Variants in CAMK2D observed in about 807,000 individuals in gnomAD.
CAMK2D encodes calcium/calmodulin dependent protein kinase II delta, also known as calcium/calmodulin-dependent protein kinase type II subunit delta.
Under a neutral mutation model 84.0 loss-of-function variants are expected in CAMK2D, and 37 were observed. The ratio of observed to expected loss-of-function variants is 0.44; its 90% CI spans 0.34 to 0.58. CAMK2D has a LOEUF of 0.58. Among genes scored for constraint, CAMK2D ranks in the 20% least tolerant of loss-of-function variants. The probability of loss-of-function intolerance (pLI) is 0.02; values close to 1 mark genes in which losing one functional copy is unlikely to be tolerated. For synonymous variants in CAMK2D, 202 were observed against 212.5 expected (o/e 0.95, Z 0.43); for missense variants, 448 against 652.5 (o/e 0.69, Z 3.41).
intron 2 of CAMK2D, among the ~76,000 whole-genome samples, chr4:113,683,569 A>G (rs985623311): frequency 6.6e-6 from 1 of 152,246 alleles, no homozygotes; most frequent in African/African-American, 2.4e-5. Context: ...AATGCATAAA[A>G]GAGTTGTGAA....
At chr4:113,667,042 A>T (rs1043239077) in intron 2 of CAMK2D, among the ~76,000 whole-genome samples, 4 of 152,174 alleles carry the variant, frequency 2.6e-5, no homozygotes, top group African/African-American at 9.7e-5. Flanking sequence ...TTTCCAAGAA[A>T]CTACAGCCTC....
chr4:113,659,772 A>T (rs2099220532), intron 3 of CAMK2D, among the ~76,000 whole-genome samples: 2 of 152,168 alleles, frequency 1.3e-5, no homozygotes, highest in Admixed American at 6.5e-5. Context: ...AATGCCATAA[A>T]TTTTTGTCAG....
In CAMK2D at chr4:113,586,032, C is replaced by T. The variant is rs1029994910; in HGVS notation, c.275+23120G>A. Among the ~76,000 whole-genome samples, 13 of 152,182 alleles carry T rather than the reference C, an allele frequency of 8.5e-5. No individual in the cohort carries two copies. The East Asian group carries it at 1.5e-3, about 18-fold the overall frequency. Reference sequence around the variant, plus strand: ...TCTGTCTGACTGTAGTGGACCTATGCGGTTTTTTAATTTGTTTTTTGTTTC... The same window carrying T: ...TCTGTCTGACTGTAGTGGACCTATGTGGTTTTTTAATTTGTTTTTTGTTTC... On this transcript the variant is annotated intron_variant, in intron 4 of 20. Transcript: ENST00000511664.
chr4:113,602,770 T>C (rs1172465999), intron 4 of CAMK2D, among the ~76,000 whole-genome samples: 1 of 152,232 alleles, frequency 6.6e-6, no homozygotes, highest in Non-Finnish European at 1.5e-5. Flanking sequence ...GAACGTATTA[T>C]ACACAGTTTA....
At chr4:113,511,339 G>GAAAC (rs1285962284) in intron 12 of CAMK2D, among the ~76,000 whole-genome samples, 1 of 151,866 alleles carries the variant, frequency 6.6e-6, no homozygotes, top group Non-Finnish European at 1.5e-5. Flanking sequence ...AAGACAATCA[G>GAAAC]AAACAATATA....
Position 113,678,215 on chromosome 4 carries a change from A to G in CAMK2D, c.161-16443T>C, listed in dbSNP as rs564099241. On this transcript the variant is annotated intron_variant, in intron 2 of 20. Coordinates refer to ENST00000511664, the MANE Select transcript of CAMK2D (RefSeq NM_001321571.2). ...GCTATTAGGAGACAGGCTAAGCCAC[A>G]CAGTAGAAAGAAGCTGAACAGCAGA... 2.0e-5 allele frequency among the ~76,000 whole-genome samples: 3 copies of G among 152,318 alleles called. No individual in the cohort carries two copies. In the South Asian group the frequency reaches 6.2e-4, roughly 32 times the overall value.
intron 17 of CAMK2D, among the ~76,000 whole-genome samples, chr4:113,462,787 G>C (rs1182206946): frequency 2.0e-5 from 3 of 151,864 alleles, no homozygotes; most frequent in Non-Finnish European, 4.4e-5. Flanking sequence ...CCTCTCAGAG[G>C]CAACTTCTTT....
In CAMK2D at chr4:113,624,584, C is replaced by T. The variant is rs188502956; in HGVS notation, c.221-15378G>A. The stretch of plus-strand genomic sequence containing the variant: ...GAACTTTCATACAAGTGAGACAACA[C>T]GTGAGCAGTAAACACAGTAGTACCC... On this transcript the variant is annotated intron_variant, in intron 3 of 20. Coordinates refer to ENST00000511664, the MANE Select transcript of CAMK2D (RefSeq NM_001321571.2). 6.4e-3 allele frequency among the ~76,000 whole-genome samples: 981 copies of T among 152,224 alleles called. 7 individuals are homozygous for T. The highest frequency in any genetic ancestry group is 0.011 in the Non-Finnish European group (719 of 68,000).
At chr4:113,624,754 G>T (rs1350627947) in intron 3 of CAMK2D, among the ~76,000 whole-genome samples, 2 of 152,178 alleles carry the variant, frequency 1.3e-5, no homozygotes, top group African/African-American at 4.8e-5. Flanking sequence ...GGCTGAGTCA[G>T]TGTCTTAAAC....
chr4:113,585,708 T>TAGTA (rs150593626), intron 4 of CAMK2D, among the ~76,000 whole-genome samples: 6,011 of 143,970 alleles, frequency 0.042, 351 homozygotes, highest in East Asian at 0.19. Context: ...ATATATAGAT[T>TAGTA]AGTATATCAT....
chr4:113,584,721 A>T (rs1213387710), intron 4 of CAMK2D, among the ~76,000 whole-genome samples: 1 of 152,178 alleles, frequency 6.6e-6, no homozygotes, highest in Non-Finnish European at 1.5e-5. Flanking sequence ...AGGGAGAAAA[A>T]GATAGCTGGG....
intron 7 of CAMK2D, among the ~76,000 whole-genome samples, chr4:113,531,729 C>T (rs1470898712): frequency 1.3e-5 from 2 of 152,072 alleles, no homozygotes; most frequent in Non-Finnish European, 2.9e-5. Context: ...TCAGTATGTA[C>T]TTGTAACTGG....
intron 8 of CAMK2D, among the ~76,000 whole-genome samples, chr4:113,520,820 G>C (rs2098346710): frequency 6.6e-6 from 1 of 152,132 alleles, no homozygotes; most frequent in Non-Finnish European, 1.5e-5. Context: ...TTGAGCCCAG[G>C]AGTTCAAGAT....
intron 2 of CAMK2D, among the ~76,000 whole-genome samples, chr4:113,671,795 C>G (rs1344641080): frequency 6.6e-6 from 1 of 152,204 alleles, no homozygotes; most frequent in Non-Finnish European, 1.5e-5. Context: ...TGAACCTGAA[C>G]TACAGATCAC....
intron 2 of CAMK2D, among the ~76,000 whole-genome samples, chr4:113,739,993 T>C (rs779352744): frequency 2.2e-4 from 34 of 152,190 alleles, no homozygotes; most frequent in Non-Finnish European, 4.3e-4. Flanking sequence ...ATATCTAAAC[T>C]ATTCCAAGTG....
chr4:113,490,458 T>C (rs1478908135), intron 16 of CAMK2D, among the ~76,000 whole-genome samples: 10 of 101,366 alleles, frequency 9.9e-5, no homozygotes, highest in East Asian at 8.8e-4. Context: ...GTTGTAGATA[T>C]GCGGCGTTAT....
rs930528532 is a variant in CAMK2D at position 113,549,885 on chromosome 4, C to T, written c.341+2146G>A. On this transcript the variant is annotated intron_variant, in intron 5 of 20. Transcript: ENST00000511664. Reference sequence around the variant, plus strand: ...CTTTTATTAACAATACCACTAAAAGCGTCTCACATTCATTGCTGTTGACTA... The same window carrying T: ...CTTTTATTAACAATACCACTAAAAGTGTCTCACATTCATTGCTGTTGACTA... 7.0e-4 allele frequency among the ~76,000 whole-genome samples: 106 copies of T among 152,090 alleles called. 5 individuals are homozygous for T. Among genetic ancestry groups the T allele is most frequent in the Non-Finnish European group, 2.4e-4 (16 of 68,008 alleles).
In CAMK2D at chr4:113,494,423, C is replaced by G. The variant is rs1474699754; in HGVS notation, c.1135+6040G>C. Among the ~76,000 whole-genome samples the G allele has an allele frequency of 3.3e-5, 5 of 152,076 alleles. 1 individual carries two copies. Among genetic ancestry groups the G allele is most frequent in the Admixed American group, 2.0e-4 (3 of 15,274 alleles). Reference sequence around the variant, plus strand: ...CGTGTGAGGTGTCAGTGTGCCCCTGCTGGGGGGTGCCTCCCAGTTAGGCTG... The same window carrying G: ...CGTGTGAGGTGTCAGTGTGCCCCTGGTGGGGGGTGCCTCCCAGTTAGGCTG... On this transcript the variant is annotated intron_variant, in intron 16 of 20. Coordinates refer to ENST00000511664, the MANE Select transcript of CAMK2D (RefSeq NM_001321571.2).
At chr4:113,547,559 T>C (rs2098589830) in intron 6 of CAMK2D, 85 bp downstream of exon 6, 2 of 736,760 alleles carry the variant, frequency 2.7e-6, no homozygotes. Context: ...TTATTGCTCA[T>C]ATTTTTGCCT....
Sources: gnomAD v4.1 joint callset for allele counts (sites outside exome capture counted in the v4.1 genomes callset) on GRCh38, gnomAD v4.1.1 for gene constraint, MANE v1.5 for transcripts, NCBI Gene and HGNC (gene_info 2026-07-23, HGNC 2026-07-21) for gene names.